PRKAR1A: variants seen among roughly 807,000 people sequenced by gnomAD.
PRKAR1A encodes the protein cAMP-dependent protein kinase type I-alpha regulatory subunit.
A neutral mutation model predicts 52.0 loss-of-function variants in PRKAR1A; 3 were observed. The ratio of observed to expected loss-of-function variants is 0.06; its 90% confidence interval spans 0.03 to 0.15. The LOEUF is 0.15. PRKAR1A is among the 10% of genes least tolerant of loss of function. PRKAR1A has a pLI of 1.00. For synonymous variants in PRKAR1A, 188 were observed against 168.4 expected (o/e 1.12, Z -0.90); for missense variants, 240 against 477.4 (o/e 0.50, Z 4.63).
At chr17:68,425,926 A>G in the PRKAR1A span, 3 of 663,102 alleles carry the variant, frequency 4.5e-6, no homozygotes, top group Non-Finnish European at 7.8e-6. Context: ...CAGTACAACA[A>G]ATATCCTATG....
upstream of PRKAR1A, among the ~76,000 whole-genome samples, chr17:68,510,051 A>C (rs1460714642): frequency 6.6e-6 from 1 of 152,146 alleles, no homozygotes; most frequent in African/African-American, 2.4e-5. Context: ...ACTCTGACTT[A>C]ACCTTGTAGT....
the PRKAR1A span, among the ~76,000 whole-genome samples, chr17:68,417,733 A>ATTTTTTTTT: frequency 3.1e-3 from 190 of 60,828 alleles, 39 homozygotes; most frequent in Non-Finnish European, 4.0e-3. Context: ...GAGTTGCTGA[A>ATTTTTTTTT]TTTTTTTTTT....
chr17:68,533,356 A>G lies in PRKAR1A; in HGVS notation c.*2907A>G. On this transcript the variant is annotated 3_prime_UTR_variant, in exon 11 of 11. Coordinates refer to ENST00000589228, the MANE Select transcript of PRKAR1A (RefSeq NM_002734.5). ...TGCTTTGAACATGTGTACCTTTTCT[A>G]GATTCAGTAATCCCTTCCCCCCGTC... is the stretch of plus-strand genomic sequence containing the variant. 1 of 1,062,346 alleles carries G rather than the reference A, an allele frequency of 9.4e-7. No homozygotes were observed. The highest frequency in any genetic ancestry group is 1.1e-6 in the Non-Finnish European group (1 of 877,208). The allele number at this position is 1,062,346 out of a possible 1,614,324, so 65.8% of individuals were successfully genotyped here.
the PRKAR1A span, among the ~76,000 whole-genome samples, chr17:68,472,643 C>T: frequency 1.3e-5 from 2 of 152,062 alleles, no homozygotes; most frequent in African/African-American, 4.8e-5. Context: ...TTAACATTTT[C>T]GTGTCATCAT....
chr17:68,541,753 C>G (rs1441099223), intron 11 of PRKAR1A: 2 of 478,852 alleles, frequency 4.2e-6, no homozygotes, highest in African/African-American at 3.9e-5. Flanking sequence ...TCTTCCATTT[C>G]TGTATCCCAT....
the PRKAR1A span, among the ~76,000 whole-genome samples, chr17:68,486,159 C>T: frequency 6.6e-6 from 1 of 151,946 alleles, no homozygotes; most frequent in African/African-American, 2.4e-5. Flanking sequence ...TCAGTTTCAC[C>T]TCAGTCACAC....
the PRKAR1A span, among the ~76,000 whole-genome samples, chr17:68,502,391 G>A: frequency 6.6e-6 from 1 of 151,578 alleles, no homozygotes; most frequent in South Asian, 2.1e-4. Flanking sequence ...AAATTATATG[G>A]ACCTTATCCA....
chr17:68,453,844 A>C, the PRKAR1A span, among the ~76,000 whole-genome samples: 2 of 152,170 alleles, frequency 1.3e-5, no homozygotes. Flanking sequence ...TCCTTTCATC[A>C]GTTTCCAGAA....
intron 11 of PRKAR1A, among the ~76,000 whole-genome samples, chr17:68,545,986 G>A (rs142604916): frequency 6.6e-6 from 1 of 152,080 alleles, no homozygotes; most frequent in East Asian, 1.9e-4. Flanking sequence ...TGGCTAACAC[G>A]GTGAAACCCT....
chr17:68,523,942 A>C (rs2085699352), intron 4 of PRKAR1A, 74 bp from the exon 5 acceptor site: 1 of 1,594,046 alleles, frequency 6.3e-7, no homozygotes, highest in Non-Finnish European at 8.6e-7. Context: ...TGGGGTCTTT[A>C]ATTCTAAGCT....
chr17:68,428,596 G>T, the PRKAR1A span: 1 of 461,540 alleles, frequency 2.2e-6, no homozygotes, highest in Middle Eastern at 6.4e-4. Context: ...AGGCTGAGGG[G>T]GAGACCATCT....
chr17:68,505,912 G>A, the PRKAR1A span, among the ~76,000 whole-genome samples: 1 of 152,238 alleles, frequency 6.6e-6, no homozygotes, highest in African/African-American at 2.4e-5. Context: ...CATGTATGGA[G>A]GGTTGATGAG....
the PRKAR1A span, among the ~76,000 whole-genome samples, chr17:68,438,838 G>A: frequency 6.6e-6 from 1 of 152,226 alleles, no homozygotes; most frequent in Non-Finnish European, 1.5e-5. Context: ...GACCTCAGGT[G>A]ATCCATCTGC....
At chr17:68,525,308 A>AG (rs1325556689) in intron 6 of PRKAR1A, among the ~76,000 whole-genome samples, 1 of 151,600 alleles carries the variant, frequency 6.6e-6, no homozygotes, top group East Asian at 1.9e-4. Flanking sequence ...AAAAAAAAAA[A>AG]AAAGATTCTA....
At chr17:68,477,825 C>T in the PRKAR1A span, among the ~76,000 whole-genome samples, 2 of 152,022 alleles carry the variant, frequency 1.3e-5, no homozygotes, top group Non-Finnish European at 2.9e-5. Context: ...CGGGTTCAAG[C>T]GATTCTCCCA....
intron 11 of PRKAR1A, chr17:68,542,020 G>A: frequency 6.2e-7 from 1 of 1,614,116 alleles, no homozygotes. Flanking sequence ...AGCGGATCCA[G>A]GGGTTGGGCA....
chr17:68,435,563 C>A, the PRKAR1A span: 1 of 1,540,446 alleles, frequency 6.5e-7, no homozygotes, highest in Non-Finnish European at 9.0e-7. Context: ...CATCCCTGCG[C>A]ACGGCAGGAG....
rs190803359 is a variant in PRKAR1A, at chr17:68,515,390, G to C, written c.-6-4G>C. 51 of 1,612,480 alleles carry C rather than the reference G, an allele frequency of 3.2e-5. No homozygotes were observed. Among genetic ancestry groups the C allele is most frequent in the Non-Finnish European group, 4.2e-5 (49 of 1,179,978 alleles). Reference sequence around the variant, plus strand: ...ACAAGCATGTGTGTGTTTTTTTCTCGCAGAGAACCATGGAGTCTGGCAGTA... The same window carrying C: ...ACAAGCATGTGTGTGTTTTTTTCTCCCAGAGAACCATGGAGTCTGGCAGTA... On this transcript the variant is annotated splice_polypyrimidine_tract_variant and splice_region_variant and intron_variant, in intron 1 of 10. Transcript: ENST00000589228.
At chr17:68,420,369 A>G in the PRKAR1A span, 8 of 1,614,202 alleles carry the variant, frequency 5.0e-6, no homozygotes, top group East Asian at 1.6e-4. Context: ...GACATTGCCA[A>G]CGACAACATC....
Sources: gnomAD v4.1 joint callset for allele counts (sites outside exome capture counted in the v4.1 genomes callset) on GRCh38, gnomAD v4.1.1 for gene constraint, MANE v1.5 for transcripts, NCBI Gene and HGNC (gene_info 2026-07-23, HGNC 2026-07-21) for gene names.